The following MGAT4C variants were observed in gnomAD, a reference collection of about 807,000 sequenced individuals.
The protein encoded by MGAT4C is alpha-1,3-mannosyl-glycoprotein 4-beta-N-acetylglucosaminyltransferase C.
In MGAT4C, 19 loss-of-function variants were observed where a neutral mutation model predicts 40.1. The ratio of observed to expected loss-of-function variants is 0.47; its 90% CI spans 0.33 to 0.70. The LOEUF (loss-of-function observed/expected upper bound fraction) is 0.70. MGAT4C is among the 30% of genes least tolerant of loss of function. MGAT4C has a pLI of 0.02. For synonymous variants in MGAT4C, 181 were observed against 187.1 expected (o/e 0.97, Z 0.27); for missense variants, 491 against 563.2 (o/e 0.87, Z 1.30).
intron 2 of MGAT4C, among the ~76,000 whole-genome samples, chr12:86,700,069 A>ATAGATAGATAGAT: frequency 6.6e-6 from 1 of 150,400 alleles, no homozygotes; most frequent in Non-Finnish European, 1.5e-5. Context: ...GATAGATAAG[A>ATAGATAGATAGAT]TAGATAGATA....
At chr12:86,515,187 C>T (rs1316657667) in intron 2 of MGAT4C, among the ~76,000 whole-genome samples, 1 of 152,134 alleles carries the variant, frequency 6.6e-6, no homozygotes, top group Non-Finnish European at 1.5e-5. Flanking sequence ...TAGCATGATA[C>T]TTAATGATAA....
intron 2 of MGAT4C, among the ~76,000 whole-genome samples, chr12:86,500,097 A>G (rs1432336655): frequency 1.3e-5 from 2 of 150,856 alleles, no homozygotes; most frequent in Admixed American, 1.3e-4. Context: ...TGAAAAAAAA[A>G]TTGCTGAATT....
intron 2 of MGAT4C, among the ~76,000 whole-genome samples, chr12:86,665,061 C>T (rs1207737716): frequency 6.6e-6 from 1 of 151,972 alleles, no homozygotes; most frequent in Non-Finnish European, 1.5e-5. Context: ...CTCCCCCCAC[C>T]ACCTTGTTCT....
chr12:86,309,246 C>T lies in MGAT4C; in HGVS notation c.-57+24819G>A, dbSNP rs1183370007. On this transcript the variant is annotated intron_variant, in intron 4 of 7. Coordinates refer to the MGAT4C transcript ENST00000548651. ...GATAAATGCATAATTGAGCAAAAAC[C>T]TGGACGCAAGCAAGTGTATTCAGCT... is the stretch of plus-strand genomic sequence containing the variant. 1.4e-5 allele frequency among the ~76,000 whole-genome samples: 2 copies of T among 141,192 alleles called. 1 individual carries two copies. The highest frequency in any genetic ancestry group is 6.2e-5 in the African/African-American group (2 of 32,024). 92.6% of individuals were successfully genotyped at this position (141,192 alleles called of 152,430 possible).
rs927730907 is a variant in MGAT4C, at chr12:85,974,463, T to C, written c.*4826A>G. Reference sequence around the variant, plus strand: ...AAATACATACATGTATATATGTATATATATACACAAATATACACACATATT... The same window carrying C: ...AAATACATACATGTATATATGTATACATATACACAAATATACACACATATT... On this transcript the variant is annotated 3_prime_UTR_variant, in exon 5 of 5. Coordinates refer to ENST00000611864, the MANE Select transcript of MGAT4C (RefSeq NM_001351288.2). 3 of 150,640 alleles carry C rather than the reference T, an allele frequency of 2.0e-5. No homozygotes were observed. Among genetic ancestry groups the C allele is most frequent in the African/African-American group, 7.3e-5 (3 of 41,246 alleles). 9.3% of individuals were successfully genotyped at this position (150,640 alleles called of 1,614,324 possible).
At chr12:86,025,521 T>C (rs1408361087) in intron 2 of MGAT4C, among the ~76,000 whole-genome samples, 2 of 151,834 alleles carry the variant, frequency 1.3e-5, no homozygotes, top group Non-Finnish European at 3.0e-5. Flanking sequence ...TAAAAATTTA[T>C]CCATTGTTGA....
At chr12:86,731,074 A>T (rs1010136973) in intron 1 of MGAT4C, among the ~76,000 whole-genome samples, 1 of 152,096 alleles carries the variant, frequency 6.6e-6, no homozygotes, top group African/African-American at 2.4e-5. Context: ...TGTTCTTTTG[A>T]TTCCTGTGTA....
chr12:86,452,879 GA>G (rs954663422), intron 2 of MGAT4C, among the ~76,000 whole-genome samples: 2 of 152,018 alleles, frequency 1.3e-5, no homozygotes, highest in Non-Finnish European at 2.9e-5. Context: ...AAACCATACA[GA>G]AGGGGATGGA....
intron 2 of MGAT4C, among the ~76,000 whole-genome samples, chr12:86,672,920 T>G (rs117357759): frequency 0.037 from 5,687 of 152,146 alleles, 136 homozygotes; most frequent in Non-Finnish European, 0.049. Context: ...AAATATATTA[T>G]TTAGATTTAA....
chr12:86,511,701 G>GA (rs34093664), intron 2 of MGAT4C, among the ~76,000 whole-genome samples: 3,447 of 150,978 alleles, frequency 0.023, 126 homozygotes, highest in African/African-American at 0.079. Flanking sequence ...TATCCATATG[G>GA]AAAAAAAAAT....
intron 1 of MGAT4C, among the ~76,000 whole-genome samples, chr12:86,072,438 A>G (rs941506866): frequency 6.6e-6 from 1 of 152,138 alleles, no homozygotes; most frequent in African/African-American, 2.4e-5. Context: ...AATTAATGAA[A>G]AAATAAAAAG....
At chr12:86,512,045 C>T (rs966379313) in intron 2 of MGAT4C, among the ~76,000 whole-genome samples, 4 of 151,642 alleles carry the variant, frequency 2.6e-5, no homozygotes, top group East Asian at 3.9e-4. Flanking sequence ...ACAATGCAAT[C>T]GCAGAAACAA....
At chr12:86,497,487 C>G (rs1196848593) in intron 2 of MGAT4C, among the ~76,000 whole-genome samples, 1 of 151,768 alleles carries the variant, frequency 6.6e-6, no homozygotes, top group African/African-American at 2.4e-5. Context: ...GTGTTCAGAC[C>G]TAATCAAATT....
chr12:86,037,148 T>C (rs1336111115), intron 2 of MGAT4C, among the ~76,000 whole-genome samples: 1 of 150,144 alleles, frequency 6.7e-6, no homozygotes, highest in Non-Finnish European at 1.5e-5. Flanking sequence ...CCCTCGATCA[T>C]TTTTTATTGC....
At chr12:86,488,260 A>AG (rs1958061902) in intron 2 of MGAT4C, among the ~76,000 whole-genome samples, 1 of 151,622 alleles carries the variant, frequency 6.6e-6, no homozygotes, top group Admixed American at 6.6e-5. Context: ...TACAAAAAAA[A>AG]AAAAAAAATA....
chr12:86,006,594 C>T (rs1887901246), intron 2 of MGAT4C, among the ~76,000 whole-genome samples: 1 of 152,168 alleles, frequency 6.6e-6, no homozygotes, highest in Admixed American at 6.6e-5. Flanking sequence ...CTGAAGTAGG[C>T]CCCATGTTGG....
intron 3 of MGAT4C, among the ~76,000 whole-genome samples, chr12:86,401,826 T>A (rs1956369159): frequency 6.6e-6 from 1 of 152,026 alleles, no homozygotes; most frequent in African/African-American, 2.4e-5. Flanking sequence ...TTTAAGTACA[T>A]GAAACATGAA....
chr12:86,780,636 C>T (rs1275591318), intron 1 of MGAT4C, among the ~76,000 whole-genome samples: 1 of 152,172 alleles, frequency 6.6e-6, no homozygotes, highest in Non-Finnish European at 1.5e-5. Flanking sequence ...GCTTCGTGTA[C>T]AGCCTACAGT....
intron 1 of MGAT4C, among the ~76,000 whole-genome samples, chr12:86,817,208 T>C (rs1293894462): frequency 6.6e-6 from 1 of 151,360 alleles, no homozygotes; most frequent in East Asian, 1.9e-4. Flanking sequence ...TTTAATACTT[T>C]TGTTGTCATT....
Sources: allele counts gnomAD v4.1 joint callset (sites outside exome capture counted in the v4.1 genomes callset), GRCh38; gene constraint gnomAD v4.1.1; transcripts MANE v1.5; gene names NCBI Gene and HGNC (gene_info 2026-07-23, HGNC 2026-07-21).